ZNF704: variants seen among roughly 807,000 people sequenced by gnomAD.
ZNF704 encodes the protein glucocorticoid induced gene 1.
In ZNF704, 10 loss-of-function variants were observed where a neutral mutation model predicts 44.7. The observed-to-expected ratio is 0.22, with a 90% CI of 0.14 to 0.38. The LOEUF (loss-of-function observed/expected upper bound fraction) is 0.38, where lower values mean the gene tolerates loss of function less well. ZNF704 is among the 10% of genes least tolerant of loss of function. The pLI, the probability that ZNF704 is intolerant of heterozygous loss-of-function variation, is 1.00. For synonymous variants in ZNF704, 211 were observed against 207.6 expected, an observed-to-expected ratio of 1.02 and a Z score of -0.14; for missense variants, 390 against 545.5, an observed-to-expected ratio of 0.71 and a Z score of 2.84.
chr8:80,670,677 AT>A (rs1818264502), intron 4 of ZNF704, 74 bp from the exon 5 acceptor site: 4 of 1,104,330 alleles, frequency 3.6e-6, no homozygotes, highest in Admixed American at 1.8e-5. Flanking sequence ...ATCCCAACAT[AT>A]TTTTTTCCTT....
intron 7 of ZNF704, among the ~76,000 whole-genome samples, chr8:80,649,807 A>G (rs1817887565): frequency 6.6e-6 from 1 of 152,240 alleles, no homozygotes; most frequent in African/African-American, 2.4e-5. Flanking sequence ...ACAGCTTTGA[A>G]GAGAGCAGTG....
intron 7 of ZNF704, among the ~76,000 whole-genome samples, chr8:80,656,185 T>TTC (rs1241551931): frequency 2.6e-5 from 4 of 151,670 alleles, no homozygotes; most frequent in East Asian, 1.9e-4. Context: ...CTCTCTCGAT[T>TTC]TCTCTCTCTC....
intron 2 of ZNF704, among the ~76,000 whole-genome samples, chr8:80,737,037 G>A (rs1806679217): frequency 6.6e-6 from 1 of 151,828 alleles, no homozygotes; most frequent in African/African-American, 2.4e-5. Flanking sequence ...AATATCAGGG[G>A]AAGAAAAATA....
intron 2 of ZNF704, among the ~76,000 whole-genome samples, chr8:80,788,290 T>C (rs1030830715): frequency 2.0e-5 from 3 of 152,180 alleles, no homozygotes; most frequent in Non-Finnish European, 2.9e-5. Flanking sequence ...TACTAGAAAA[T>C]GCAGAACTTT....
intron 2 of ZNF704, among the ~76,000 whole-genome samples, chr8:80,705,559 C>G (rs961201885): frequency 2.7e-5 from 4 of 150,814 alleles, no homozygotes; most frequent in East Asian, 2.0e-4. Flanking sequence ...GTGTGTGTGT[C>G]TGTGTGTGTG....
chr8:80,730,457 T>G lies in ZNF704; in HGVS notation c.222-37350A>C, dbSNP rs539146757. Among the ~76,000 whole-genome samples the G allele has an allele frequency of 1.8e-4, 27 of 147,332 alleles. No individual in the cohort carries two copies. The South Asian group carries it at 4.7e-3, about 26-fold the overall frequency. ...GGGAGGCTGAGGCAGGAGAATCACT[T>G]GAACCCAGGAGGCGGAGGTTGCAGT... On this transcript the variant is annotated intron_variant, in intron 2 of 8. Coordinates refer to ENST00000327835, the MANE Select transcript of ZNF704 (RefSeq NM_001033723.3).
rs1207653270 is a variant in ZNF704 at position 80,854,172 on chromosome 8, G to A, written c.-22+20399C>T. Reference sequence around the variant, plus strand: ...TGATGGTAAACAGCGTTAAGGCACTGTAAAAACACAAGACATAATCAATGC... The same window carrying A: ...TGATGGTAAACAGCGTTAAGGCACTATAAAAACACAAGACATAATCAATGC... On this transcript the variant is annotated intron_variant, in intron 1 of 8. Transcript: ENST00000327835. 7.9e-5 allele frequency among the ~76,000 whole-genome samples: 12 copies of A among 152,306 alleles called. No individual in the cohort carries two copies. The East Asian group carries it at 2.3e-3, about 29-fold the overall frequency.
At chr8:80,785,893 T>C (rs1007548062) in intron 2 of ZNF704, among the ~76,000 whole-genome samples, 5 of 152,198 alleles carry the variant, frequency 3.3e-5, no homozygotes, top group African/African-American at 1.2e-4. Context: ...TTCTAGGCCA[T>C]CTTGGCTGAT....
chr8:80,819,641 T>C (rs1376398907), intron 2 of ZNF704, among the ~76,000 whole-genome samples: 1 of 151,670 alleles, frequency 6.6e-6, no homozygotes, highest in Admixed American at 6.6e-5. Flanking sequence ...CAAATTGAGA[T>C]GCCTATGAGG....
At chr8:80,877,404 C>T (rs762734809), upstream of ZNF704, among the ~76,000 whole-genome samples, 27 of 152,280 alleles carry the variant, frequency 1.8e-4, no homozygotes, top group African/African-American at 6.0e-4. Context: ...ATCAAATTAA[C>T]TCATCAGGAA....
chr8:80,853,623 TAGAA>T (rs1808908927), intron 1 of ZNF704, among the ~76,000 whole-genome samples: 1 of 151,960 alleles, frequency 6.6e-6, no homozygotes, highest in Non-Finnish European at 1.5e-5. Flanking sequence ...AAAAAAACAG[TAGAA>T]AGAACAAACA....
At chr8:80,732,393 T>C (rs1293063663) in intron 2 of ZNF704, among the ~76,000 whole-genome samples, 1 of 152,216 alleles carries the variant, frequency 6.6e-6, no homozygotes, top group Admixed American at 6.5e-5. Context: ...TAATAGAATA[T>C]GGCAGAAGCA....
chr8:80,689,795 CTATT>C (rs111663795), intron 3 of ZNF704, among the ~76,000 whole-genome samples: 4,262 of 152,168 alleles, frequency 0.028, 158 homozygotes, highest in African/African-American at 0.097. Flanking sequence ...TTTAGAAAGA[CTATT>C]TAGTCAGAAG....
At position 80,697,926 on chromosome 8, in the gene ZNF704, G is replaced by A. The variant is rs145496407; in HGVS notation, c.222-4819C>T. ...TGAAAAGACTGCTATAACTCTGTAA[G>A]AGCTGGCAACTGGCTCATGGAGAAG... On this transcript the variant is annotated intron_variant, in intron 2 of 8. Coordinates refer to ENST00000327835, the MANE Select transcript of ZNF704 (RefSeq NM_001033723.3). Among the ~76,000 whole-genome samples the A allele has an allele frequency of 2.5e-3, 380 of 152,322 alleles. 4 individuals carry two copies. Among genetic ancestry groups the A allele is most frequent in the African/African-American group, 8.8e-3 (364 of 41,564 alleles).
chr8:80,629,915 C>T lies in ZNF704; in HGVS notation c.*11451G>A, dbSNP rs1420790373. The T allele has an allele frequency of 6.6e-6, 1 of 152,176 alleles. No homozygotes were observed. The highest frequency in any genetic ancestry group is 1.5e-5 in the Non-Finnish European group (1 of 68,038). The allele number at this position is 152,176 out of a possible 1,614,324, so 9.4% of individuals were successfully genotyped here. On this transcript the variant is annotated 3_prime_UTR_variant, in exon 9 of 9. Coordinates refer to ENST00000327835, the MANE Select transcript of ZNF704 (RefSeq NM_001033723.3). Reference sequence around the variant, plus strand: ...AAGAACTGGGCACATTTTCTAACAGCCAACATTTCCCATTTATGCTTACGA... The same window carrying T: ...AAGAACTGGGCACATTTTCTAACAGTCAACATTTCCCATTTATGCTTACGA...
At chr8:80,651,935 A>C (rs1372798897) in intron 7 of ZNF704, among the ~76,000 whole-genome samples, 1 of 152,114 alleles carries the variant, frequency 6.6e-6, no homozygotes, top group Non-Finnish European at 1.5e-5. Context: ...CTCCTCAGCA[A>C]ATGTAAAAGA....
rs1363132185 is a variant in ZNF704 at position 80,874,065 on chromosome 8, G to A, written c.-22+506C>T. Among the ~76,000 whole-genome samples, 1 of 147,108 alleles carries A rather than the reference G, an allele frequency of 6.8e-6. No homozygotes were observed. The highest frequency in any genetic ancestry group is 2.0e-4 in the East Asian group (1 of 5,074). On this transcript the variant is annotated intron_variant, in intron 1 of 8. Transcript: ENST00000327835. The surrounding 1 kb of genome is among the most constrained non-coding windows in gnomAD (Gnocchi z 4.4). Reference sequence around the variant, plus strand: ...TGCATGCCTGAGCGCGGGGTTGCGGGCCGCGGCGCGGGGCCGGAGAGTTTG... The same window carrying A: ...TGCATGCCTGAGCGCGGGGTTGCGGACCGCGGCGCGGGGCCGGAGAGTTTG...
At chr8:80,775,056 T>C (rs998304035) in intron 2 of ZNF704, among the ~76,000 whole-genome samples, 1 of 152,096 alleles carries the variant, frequency 6.6e-6, no homozygotes, top group African/African-American at 2.4e-5. Flanking sequence ...GGGGAAGAAA[T>C]AGAAAAAACT....
upstream of ZNF704, among the ~76,000 whole-genome samples, chr8:80,877,108 C>T (rs1445571): frequency 7.1e-6 from 1 of 140,734 alleles, no homozygotes; most frequent in Non-Finnish European, 1.5e-5. Flanking sequence ...CTTATTGTTT[C>T]TCTTAGGCCA....
Sources: allele counts gnomAD v4.1 joint callset (sites outside exome capture counted in the v4.1 genomes callset), GRCh38; gene constraint gnomAD v4.1.1; non-coding constraint Gnocchi (gnomAD v3.1); transcripts MANE v1.5; gene names NCBI Gene and HGNC (gene_info 2026-07-23, HGNC 2026-07-21).